CWF19L1: variants seen among roughly 807,000 people sequenced by gnomAD.
The protein encoded by CWF19L1 is CWF19 like cell cycle control factor 1.
Under a neutral mutation model 69.7 loss-of-function variants are expected in CWF19L1, and 60 were observed. The observed-to-expected ratio is 0.86, with a 90% CI of 0.70 to 1.07. CWF19L1 has a LOEUF of 1.07. CWF19L1 is among the 50% of genes least tolerant of loss of function. The probability of loss-of-function intolerance (pLI) is 0.00; values close to 1 mark genes in which losing one functional copy is unlikely to be tolerated. For synonymous variants in CWF19L1, 209 were observed against 222.2 expected (o/e 0.94, Z 0.53); for missense variants, 591 against 638.9 (o/e 0.92, Z 0.81).
At chr10:100,262,341 T>C (rs765139220) in intron 1 of CWF19L1, 24 of 985,458 alleles carry the variant, frequency 2.4e-5, no homozygotes, top group Non-Finnish European at 2.9e-5. Flanking sequence ...ATGGCTGACA[T>C]GGTCAACAAA....
At position 100,236,850 on chromosome 10, in the gene CWF19L1, C is replaced by T; in HGVS notation, c.1374G>A (p.Gln458=). 1.3e-6 allele frequency: 2 copies of T among 1,586,752 alleles called. No individual in the cohort carries two copies. Among genetic ancestry groups the T allele is most frequent in the East Asian group, 4.5e-5 (2 of 44,710 alleles). Residue 458 remains glutamine, a splice_region_variant and synonymous_variant, in exon 12 of 14, where the codon CAG becomes CAA. Coordinates refer to ENST00000354105, the MANE Select transcript of CWF19L1 (RefSeq NM_018294.6). ...LEIPEHSDIK[Q]IAQPGAAYFY... ...TGAATATCACCATCCCCTGTTTCACCTGCTTGATGTCAGAGTGCTCTGGGA... is the reference window on the plus strand; with the variant it reads ...TGAATATCACCATCCCCTGTTTCACTTGCTTGATGTCAGAGTGCTCTGGGA...
intron 13 of CWF19L1, among the ~76,000 whole-genome samples, chr10:100,234,362 A>G (rs2134270275): frequency 6.6e-6 from 1 of 152,354 alleles, no homozygotes; most frequent in East Asian, 1.9e-4. Context: ...GTATCTTGAT[A>G]ATTACTCAAT....
chr10:100,255,500 C>T (rs889961549), intron 5 of CWF19L1, among the ~76,000 whole-genome samples: 2 of 151,906 alleles, frequency 1.3e-5, no homozygotes, highest in Non-Finnish European at 1.5e-5. Flanking sequence ...CAAAAAAATC[C>T]GCCTGTAATC....
intron 3 of CWF19L1, 30 bp downstream of exon 3, chr10:100,260,936 T>A: frequency 7.2e-7 from 1 of 1,389,044 alleles, no homozygotes. Context: ...TTATTAGAAA[T>A]CATATGTTAA....
chr10:100,248,720 C>T (rs7082884), intron 7 of CWF19L1: 60,727 of 1,130,414 alleles, frequency 0.054, 2,060 homozygotes, highest in African/African-American at 0.14. Context: ...AACGACCTTA[C>T]AGAGCAAGCA....
At chr10:100,235,067 T>G (rs931931990) in intron 13 of CWF19L1, among the ~76,000 whole-genome samples, 1 of 152,286 alleles carries the variant, frequency 6.6e-6, no homozygotes, top group South Asian at 2.1e-4. Context: ...AATCAAAAAT[T>G]TAGTTCCTCA....
chr10:100,237,932 A>G, intron 11 of CWF19L1, 90 bp downstream of exon 11: 1 of 1,280,288 alleles, frequency 7.8e-7, no homozygotes, highest in Non-Finnish European at 1.1e-6. Flanking sequence ...TACAGGCGTG[A>G]GCCACCTCGC....
chr10:100,264,593 T>A (rs1847510970), intron 1 of CWF19L1, among the ~76,000 whole-genome samples: 1 of 142,912 alleles, frequency 7.0e-6, no homozygotes. Flanking sequence ...CTGTTTAGAG[T>A]ACACTCCTAC....
At chr10:100,237,222 C>T (rs1654295206) in intron 11 of CWF19L1, 1 of 670,422 alleles carries the variant, frequency 1.5e-6, no homozygotes, top group Admixed American at 1.8e-5. Context: ...AAGCCTTTGC[C>T]ATCTCCGATA....
intron 10 of CWF19L1, among the ~76,000 whole-genome samples, chr10:100,242,821 A>G (rs947569653): frequency 6.6e-6 from 1 of 152,378 alleles, no homozygotes; most frequent in African/African-American, 2.4e-5. Flanking sequence ...AATGGTAATT[A>G]GCAAAAGGAA....
intron 7 of CWF19L1, among the ~76,000 whole-genome samples, chr10:100,249,851 G>T (rs1253286602): frequency 1.3e-5 from 2 of 152,236 alleles, no homozygotes; most frequent in African/African-American, 2.4e-5. Context: ...CTCTCAAAGT[G>T]CTGGGATTAC....
intron 12 of CWF19L1, among the ~76,000 whole-genome samples, chr10:100,235,966 A>G (rs1029202980): frequency 2.6e-5 from 4 of 152,216 alleles, no homozygotes; most frequent in Non-Finnish European, 4.4e-5. Context: ...AGTGGCGTCT[A>G]TCCTTCTAAG....
intron 7 of CWF19L1, among the ~76,000 whole-genome samples, chr10:100,247,341 T>C (rs899845657): frequency 6.6e-6 from 1 of 152,260 alleles, no homozygotes; most frequent in African/African-American, 2.4e-5. Flanking sequence ...TTATTTTTCC[T>C]AATGAAAATT....
rs756068263 is a variant in CWF19L1 at position 100,246,865 on chromosome 10, T to A, written c.779A>T (p.Asp260Val). Residue 260 changes from aspartate (D) to valine (V), a missense_variant, in exon 8 of 14, where the codon GAT becomes GTT. Around this residue, in one of 3 missense-constraint regions of CWF19L1, gnomAD observed 458 missense variants for 489.3 expected, o/e 0.94. Transcript: ENST00000354105. ...TTTTCTGTAAGGGTTTTCAGTGACA[T>A]CCGGAGGCTGTTTTACCAGTTCTGC... is the stretch of plus-strand genomic sequence containing the variant. ...DAAELVKQPP[D>V]VTENPYRKSG... is the part of the protein sequence containing the mutation. 3.1e-6 allele frequency: 5 copies of A among 1,614,086 alleles called. No homozygotes were observed. The South Asian group carries it at 4.4e-5, about 14-fold the overall frequency.
intron 10 of CWF19L1, among the ~76,000 whole-genome samples, chr10:100,239,256 C>T (rs565371867): frequency 7.1e-4 from 108 of 152,286 alleles, no homozygotes; most frequent in African/African-American, 2.5e-3. Flanking sequence ...GAATGGTCTA[C>T]CACTCAGATA....
At chr10:100,261,106 T>G in intron 2 of CWF19L1, 62 bp from the exon 3 acceptor site, 4 of 1,077,268 alleles carry the variant, frequency 3.7e-6, no homozygotes, top group Non-Finnish European at 5.6e-6. Flanking sequence ...ACATAATTGA[T>G]AGTAATATTC....
intron 1 of CWF19L1, among the ~76,000 whole-genome samples, chr10:100,265,102 C>G (rs1399492579): frequency 6.8e-6 from 1 of 146,926 alleles, no homozygotes; most frequent in East Asian, 2.0e-4. Flanking sequence ...GCCTGGGCGA[C>G]AGTGAGACCC....
chr10:100,260,869 C>T (rs66728174), intron 3 of CWF19L1, 97 bp downstream of exon 3: 92,176 of 783,942 alleles, frequency 0.12, 11,164 homozygotes, highest in African/African-American at 0.53. Flanking sequence ...CTGAAAATAA[C>T]TCTTAAATTC....
In CWF19L1 at chr10:100,262,416, T is replaced by A. The variant is rs1589634726; in HGVS notation, c.24-353A>T. ...CCCTTTTTCCAAACATCTTTCACAT[T>A]CATTCTATCCTTCTTATTTTGACTC... On this transcript the variant is annotated intron_variant, in intron 1 of 13. Coordinates refer to ENST00000354105, the MANE Select transcript of CWF19L1 (RefSeq NM_018294.6). The A allele has an allele frequency of 8.0e-6, 7 of 880,222 alleles. No individual in the cohort carries two copies. In the African/African-American group the frequency reaches 9.5e-5, roughly 12 times the overall value. The allele number at this position is 880,222 out of a possible 1,614,324, so 54.5% of individuals were successfully genotyped here.
Sources: allele counts gnomAD v4.1 joint callset (sites outside exome capture counted in the v4.1 genomes callset), GRCh38; gene constraint gnomAD v4.1.1; regional missense constraint gnomAD v4.1.1; transcripts MANE v1.5; gene names NCBI Gene and HGNC (gene_info 2026-07-23, HGNC 2026-07-21).